RASAL2: variants seen among roughly 807,000 people sequenced by gnomAD.
The protein encoded by RASAL2 is RAS protein activator like 2.
Under a neutral mutation model 128.9 loss-of-function variants are expected in RASAL2, and 58 were observed. The observed-to-expected ratio is 0.45, with a 90% CI of 0.36 to 0.56. RASAL2 has a LOEUF of 0.56. RASAL2 is among the 20% of genes least tolerant of loss of function. The probability of loss-of-function intolerance (pLI) is 0.00; values close to 1 mark genes in which losing one functional copy is unlikely to be tolerated. For synonymous variants in RASAL2, 561 were observed against 580.8 expected (o/e 0.97, Z 0.49); for missense variants, 1,360 against 1,601.6 (o/e 0.85, Z 2.57).
intron 1 of RASAL2, among the ~76,000 whole-genome samples, chr1:178,170,092 T>G (rs1661656471): frequency 6.6e-6 from 1 of 152,008 alleles, no homozygotes. Flanking sequence ...CCTTATTTCT[T>G]AATAGGATAC....
chr1:178,145,242 T>C (rs1447681861), intron 1 of RASAL2, among the ~76,000 whole-genome samples: 1 of 152,180 alleles, frequency 6.6e-6, no homozygotes, highest in African/African-American at 2.4e-5. Context: ...TTTGACTCAT[T>C]TGGGACTGTA....
intron 1 of RASAL2, among the ~76,000 whole-genome samples, chr1:178,174,000 C>T (rs1661798959): frequency 6.6e-6 from 1 of 151,374 alleles, no homozygotes; most frequent in East Asian, 1.9e-4. Flanking sequence ...GACTATGATT[C>T]ATACTCTATG....
Position 178,409,709 on chromosome 1 carries a change from A to G in RASAL2, c.565-10802A>G, listed in dbSNP as rs577040243. On this transcript the variant is annotated intron_variant, in intron 4 of 17. Coordinates refer to ENST00000367649, the MANE Select transcript of RASAL2 (RefSeq NM_170692.4). The stretch of plus-strand genomic sequence containing the variant: ...TTAATTATCCATCCCTTGACCAGTC[A>G]TATGGATCCAGGGCAGAAAGATTGC... Among the ~76,000 whole-genome samples the G allele has an allele frequency of 6.6e-5, 10 of 152,332 alleles. No homozygotes were observed. The East Asian group carries it at 1.4e-3, about 21-fold the overall frequency.
rs537733975 is a variant in RASAL2 at position 178,094,274 on chromosome 1, C to T, written c.-219C>T. 42 of 540,056 alleles carry T rather than the reference C, an allele frequency of 7.8e-5. No individual in the cohort carries two copies. The highest frequency in any genetic ancestry group is 2.7e-4 in the African/African-American group (13 of 49,038). The allele number at this position is 540,056 out of a possible 1,614,324, so 33.5% of individuals were successfully genotyped here. On this transcript the variant is annotated 5_prime_UTR_variant, in exon 1 of 18. Transcript: ENST00000367649. The stretch of plus-strand genomic sequence containing the variant: ...TCGGGGCCACGCTGGATCCTCCTCC[C>T]GGCCTGGGTCCCGCCCGCCGACTGC...
chr1:178,235,058 G>A (rs998249078), intron 1 of RASAL2, among the ~76,000 whole-genome samples: 2 of 152,078 alleles, frequency 1.3e-5, no homozygotes, highest in African/African-American at 4.8e-5. Context: ...TTACCTAGAG[G>A]AAAATCTTCC....
chr1:178,401,579 C>T (rs976265257), intron 4 of RASAL2, among the ~76,000 whole-genome samples: 2 of 152,012 alleles, frequency 1.3e-5, no homozygotes, highest in African/African-American at 4.8e-5. Flanking sequence ...AGTTTCAGGC[C>T]GTAGTGCGGA....
At chr1:178,467,636 C>T (rs1647864338) in intron 17 of RASAL2, among the ~76,000 whole-genome samples, 1 of 152,184 alleles carries the variant, frequency 6.6e-6, no homozygotes, top group Non-Finnish European at 1.5e-5. Flanking sequence ...AAAGTATTAG[C>T]GTGTTTAGTG....
At chr1:178,260,785 G>A (rs559724805) in intron 1 of RASAL2, among the ~76,000 whole-genome samples, 5 of 152,052 alleles carry the variant, frequency 3.3e-5, no homozygotes, top group Admixed American at 3.3e-4. Flanking sequence ...TGCTAATGGT[G>A]CATTGAACAT....
At chr1:178,449,979 T>C (rs1333737955) in intron 9 of RASAL2, among the ~76,000 whole-genome samples, 1 of 152,058 alleles carries the variant, frequency 6.6e-6, no homozygotes, top group East Asian at 1.9e-4. Context: ...AGTTTTTACA[T>C]GGGATATTTG....
intron 1 of RASAL2, among the ~76,000 whole-genome samples, chr1:178,187,956 A>G (rs1017720313): frequency 6.6e-6 from 1 of 152,038 alleles, no homozygotes; most frequent in Non-Finnish European, 1.5e-5. Flanking sequence ...TACTCTTACT[A>G]TTAATACCAA....
intron 1 of RASAL2, among the ~76,000 whole-genome samples, chr1:178,142,794 C>T (rs1239078627): frequency 6.6e-6 from 1 of 152,158 alleles, no homozygotes; most frequent in Non-Finnish European, 1.5e-5. Flanking sequence ...GGAATTATTT[C>T]ATGAATTAGT....
chr1:178,364,110 A>G (rs946643939), intron 3 of RASAL2, among the ~76,000 whole-genome samples: 1 of 151,504 alleles, frequency 6.6e-6, no homozygotes, highest in Non-Finnish European at 1.5e-5. Context: ...AAAAAAAAAA[A>G]GAAGAAACTA....
intron 3 of RASAL2, among the ~76,000 whole-genome samples, chr1:178,300,626 G>A (rs1382446465): frequency 1.3e-5 from 2 of 152,058 alleles, no homozygotes; most frequent in Non-Finnish European, 2.9e-5. Context: ...GTGACAAAAG[G>A]GAGAAATCCT....
In RASAL2 at chr1:178,423,064, A is replaced by AG. The variant is rs532366412; in HGVS notation, c.674+2444_674+2445insG. Among the ~76,000 whole-genome samples, 92 of 152,220 alleles carry AG rather than the reference A, an allele frequency of 6.0e-4. 1 individual carries two copies. Among genetic ancestry groups the AG allele is most frequent in the Middle Eastern group, 3.4e-3 (1 of 294 alleles). On this transcript the variant is annotated intron_variant, in intron 5 of 17. Coordinates refer to ENST00000367649, the MANE Select transcript of RASAL2 (RefSeq NM_170692.4). ...CATGTTTTCATATAAATGGGATCACATATTACTTTGTGACTTGCTTTTTAG... is the reference window on the plus strand; with the variant it reads ...CATGTTTTCATATAAATGGGATCACAGTATTACTTTGTGACTTGCTTTTTAG...
At chr1:178,414,276 A>G (rs1674605205) in intron 4 of RASAL2, among the ~76,000 whole-genome samples, 1 of 152,232 alleles carries the variant, frequency 6.6e-6, no homozygotes, top group African/African-American at 2.4e-5. Context: ...CAGTGAAAAG[A>G]TCACTGTTTG....
Position 178,474,392 on chromosome 1 carries a change from C to T in RASAL2, c.*1153C>T, listed in dbSNP as rs964621184. 3.3e-5 allele frequency: 5 copies of T among 152,206 alleles called. No homozygotes were observed. Among genetic ancestry groups the T allele is most frequent in the Non-Finnish European group, 7.3e-5 (5 of 68,028 alleles). The allele number at this position is 152,206 out of a possible 1,614,324, so 9.4% of individuals were successfully genotyped here. ...TTTAACTTTTAAAGTACTTCTTCCC[C>T]TTATCCCCTCAATAAAGAAAGGAAA... is the stretch of plus-strand genomic sequence containing the variant. On this transcript the variant is annotated 3_prime_UTR_variant, in exon 18 of 18. Transcript: ENST00000367649.
At position 178,173,191 on chromosome 1, in the gene RASAL2, A is replaced by G. The variant is rs1035554421; in HGVS notation, c.202+78497A>G. ...GCAACCTCTAGTTACTGTAGTAACC[A>G]AATACACACAAATTCCAATGTGCCA... On this transcript the variant is annotated intron_variant, in intron 1 of 17. Transcript: ENST00000367649. Among the ~76,000 whole-genome samples, 155 of 152,226 alleles carry G rather than the reference A, an allele frequency of 1.0e-3. 1 individual carries two copies. The highest frequency in any genetic ancestry group is 1.9e-4 in the Non-Finnish European group (13 of 67,990).
intron 1 of RASAL2, among the ~76,000 whole-genome samples, chr1:178,132,101 G>A (rs1241306138): frequency 6.6e-6 from 1 of 150,434 alleles, no homozygotes; most frequent in East Asian, 2.0e-4. Context: ...GTCTTGCTCT[G>A]CCACCCACAC....
rs71108038 is a variant in RASAL2, at chr1:178,257,847, GA to G, written c.203-25702del. On this transcript the variant is annotated intron_variant, in intron 1 of 17. Transcript: ENST00000367649. ...CAGAGTGAGACCCTGTCTCAAAAAA[GA>G]AAAAAAAAAAAAAAGAATTGATACA... is the stretch of plus-strand genomic sequence containing the variant. Among the ~76,000 whole-genome samples the G allele has an allele frequency of 1.7e-3, 222 of 128,052 alleles. 1 individual carries two copies. The highest frequency in any genetic ancestry group is 5.8e-3 in the African/African-American group (174 of 29,916). The allele number at this position is 128,052 out of a possible 152,430, so 84.0% of individuals were successfully genotyped here. A position where few individuals can be genotyped will look rare whatever the true frequency, so the allele number is the denominator to read the frequency against.
Sources: gnomAD v4.1 joint callset for allele counts (sites outside exome capture counted in the v4.1 genomes callset) on GRCh38, gnomAD v4.1.1 for gene constraint, MANE v1.5 for transcripts, NCBI Gene and HGNC (gene_info 2026-07-23, HGNC 2026-07-21) for gene names.